Variants in ARHGAP24 observed in about 807,000 individuals in gnomAD.
ARHGAP24 encodes Rho GTPase activating protein 24.
ARHGAP24 carries 50 observed loss-of-function variants against 76.4 expected under a neutral mutation model. That is an observed-to-expected ratio of 0.65 (90% CI 0.52 to 0.83). The LOEUF (loss-of-function observed/expected upper bound fraction) is 0.83, where lower values mean the gene tolerates loss of function less well. Ranked by LOEUF, ARHGAP24 falls within the 40% of genes least tolerant of loss-of-function variation. The pLI is 0.00. For missense variants in ARHGAP24, 930 were observed against 914.2 expected, an observed-to-expected ratio of 1.02 and a Z score of -0.22; for synonymous variants, 345 against 323.3, an observed-to-expected ratio of 1.07 and a Z score of -0.72.
intron 2 of ARHGAP24, among the ~76,000 whole-genome samples, chr4:85,592,600 T>G (rs1259290616): frequency 6.6e-6 from 1 of 152,206 alleles, no homozygotes; most frequent in Non-Finnish European, 1.5e-5. Flanking sequence ...ACTATATTTT[T>G]GGACACATTA....
chr4:85,501,424 G>T (rs1419469385), intron 1 of ARHGAP24, among the ~76,000 whole-genome samples: 1 of 152,184 alleles, frequency 6.6e-6, no homozygotes, highest in Non-Finnish European at 1.5e-5. Flanking sequence ...ATTCTAACTG[G>T]CTTGAGATGG....
intron 2 of ARHGAP24, among the ~76,000 whole-genome samples, chr4:85,589,623 A>G (rs1728003038): frequency 6.6e-6 from 1 of 152,144 alleles, no homozygotes; most frequent in Admixed American, 6.5e-5. Flanking sequence ...CTCCGGCCAG[A>G]GATATATTTT....
At chr4:85,860,588 G>T (rs1291365372) in intron 3 of ARHGAP24, among the ~76,000 whole-genome samples, 1 of 152,028 alleles carries the variant, frequency 6.6e-6, no homozygotes, top group Non-Finnish European at 1.5e-5. Flanking sequence ...CTAAAGGAAA[G>T]TAGGCATTAA....
At chr4:85,893,891 T>A (rs1733978517) in intron 3 of ARHGAP24, among the ~76,000 whole-genome samples, 1 of 133,570 alleles carries the variant, frequency 7.5e-6, no homozygotes, top group Admixed American at 8.4e-5. Flanking sequence ...TAGGTGGGAA[T>A]TGAACAATGA....
At chr4:85,988,631 A>AT (rs1218176226) in intron 8 of ARHGAP24, among the ~76,000 whole-genome samples, 2 of 151,670 alleles carry the variant, frequency 1.3e-5, no homozygotes, top group Non-Finnish European at 3.0e-5. Context: ...AAAAAAGGAC[A>AT]TAAAAAAATA....
intron 1 of ARHGAP24, among the ~76,000 whole-genome samples, chr4:85,522,667 T>A (rs993434720): frequency 1.3e-5 from 2 of 152,218 alleles, no homozygotes; most frequent in Non-Finnish European, 1.5e-5. Flanking sequence ...TAGAGAGTGA[T>A]GCTCAAAGAG....
chr4:85,945,689 G>T (rs796952291), intron 5 of ARHGAP24, among the ~76,000 whole-genome samples: 2 of 150,730 alleles, frequency 1.3e-5, no homozygotes, highest in Non-Finnish European at 2.9e-5. Context: ...GAACCCGGGA[G>T]GCAGAGGTTG....
intron 3 of ARHGAP24, among the ~76,000 whole-genome samples, chr4:85,850,979 G>C (rs541872426): frequency 6.6e-6 from 1 of 152,286 alleles, no homozygotes; most frequent in South Asian, 2.1e-4. Flanking sequence ...TTGGTGCAGA[G>C]CTGAGTTCAA....
At chr4:85,804,005 G>C (rs1403677548) in intron 3 of ARHGAP24, among the ~76,000 whole-genome samples, 1 of 149,366 alleles carries the variant, frequency 6.7e-6, no homozygotes, top group Non-Finnish European at 1.5e-5. Context: ...AGGCTGGAGT[G>C]CAATGGCACA....
intron 2 of ARHGAP24, among the ~76,000 whole-genome samples, chr4:85,702,678 G>C (rs1443175318): frequency 6.6e-6 from 1 of 152,038 alleles, no homozygotes; most frequent in Non-Finnish European, 1.5e-5. Context: ...GTTGTCTTCT[G>C]TTTTGCATTC....
At chr4:85,865,306 A>T (rs761698428) in intron 3 of ARHGAP24, among the ~76,000 whole-genome samples, 3 of 151,864 alleles carry the variant, frequency 2.0e-5, no homozygotes, top group Non-Finnish European at 4.4e-5. Context: ...GTTGGCAGGT[A>T]AGGTAAAATC....
At chr4:85,965,123 A>G (rs115493157) in intron 5 of ARHGAP24, among the ~76,000 whole-genome samples, 1,881 of 152,228 alleles carry the variant, frequency 0.012, 38 homozygotes, top group African/African-American at 0.042. Flanking sequence ...CGCAATTCAC[A>G]AAAGAAAGAG....
At chr4:85,794,793 T>C (rs1728278328) in intron 3 of ARHGAP24, among the ~76,000 whole-genome samples, 2 of 152,234 alleles carry the variant, frequency 1.3e-5, no homozygotes, top group South Asian at 4.1e-4. Context: ...CAAATCCTTT[T>C]ATTTAAACAT....
At chr4:85,548,321 C>T (rs899738498) in intron 1 of ARHGAP24, among the ~76,000 whole-genome samples, 1 of 152,106 alleles carries the variant, frequency 6.6e-6, no homozygotes. Flanking sequence ...TAGGTGTACT[C>T]GTTGCTACTG....
chr4:85,569,199 A>G (rs1726972529), intron 1 of ARHGAP24, among the ~76,000 whole-genome samples: 1 of 152,254 alleles, frequency 6.6e-6, no homozygotes, highest in Non-Finnish European at 1.5e-5. Flanking sequence ...AAATGATAAA[A>G]CAGGGACTTT....
chr4:85,686,833 T>G (rs1209877472), intron 2 of ARHGAP24, among the ~76,000 whole-genome samples: 1 of 141,950 alleles, frequency 7.0e-6, no homozygotes, highest in Non-Finnish European at 1.6e-5. Context: ...ATTATAACAT[T>G]GTATTAGTAA....
chr4:85,483,409 T>C (rs1722892091), intron 1 of ARHGAP24, among the ~76,000 whole-genome samples: 1 of 151,976 alleles, frequency 6.6e-6, no homozygotes, highest in African/African-American at 2.4e-5. Context: ...CTGAGGTGGG[T>C]GGATCACCTG....
At chr4:85,890,993 G>A (rs1459939307) in intron 3 of ARHGAP24, among the ~76,000 whole-genome samples, 1 of 152,138 alleles carries the variant, frequency 6.6e-6, no homozygotes, top group African/African-American at 2.4e-5. Flanking sequence ...GATTGCGATG[G>A]ATGATATTAG....
chr4:85,535,768 C>T (rs558641078), intron 1 of ARHGAP24, among the ~76,000 whole-genome samples: 1 of 152,142 alleles, frequency 6.6e-6, no homozygotes, highest in African/African-American at 2.4e-5. Context: ...ATGTCTCCCC[C>T]CTATCTAGTT....
Sources: gnomAD v4.1 joint callset for allele counts (sites outside exome capture counted in the v4.1 genomes callset) on GRCh38, gnomAD v4.1.1 for gene constraint, MANE v1.5 for transcripts, NCBI Gene and HGNC (gene_info 2026-07-23, HGNC 2026-07-21) for gene names.